Variants in SPPL2B observed in about 807,000 individuals in gnomAD.
SPPL2B encodes the protein signal peptide peptidase like 2B.
In SPPL2B, 39 loss-of-function variants were observed where a neutral mutation model predicts 59.7. The ratio of observed to expected loss-of-function variants is 0.65; its 90% confidence interval spans 0.51 to 0.85. The LOEUF is 0.85. SPPL2B is among the 40% of genes least tolerant of loss of function. The pLI, the probability that SPPL2B is intolerant of heterozygous loss-of-function variation, is 0.00. For synonymous variants in SPPL2B, 419 were observed against 370.8 expected (o/e 1.13, Z -1.49); for missense variants, 865 against 849.0 (o/e 1.02, Z -0.23).
intron 3 of SPPL2B, chr19:2,338,403 G>C: frequency 5.4e-6 from 1 of 184,010 alleles, no homozygotes; most frequent in South Asian, 1.5e-4. Context: ...GGCCCTCAGT[G>C]GGTGCGGGGC....
At chr19:2,347,266 A>C (rs1969449183) in intron 13 of SPPL2B, among the ~76,000 whole-genome samples, 2 of 108,968 alleles carry the variant, frequency 1.8e-5, no homozygotes, top group African/African-American at 3.9e-5. Flanking sequence ...CTCTCCACAC[A>C]CACTCACGCA....
intron 2 of SPPL2B, 34 bp from the exon 3 acceptor site, chr19:2,337,409 C>T (rs55710409): frequency 0.12 from 185,829 of 1,543,248 alleles, 12,387 homozygotes; most frequent in African/African-American, 0.18. Flanking sequence ...TGACTCACAT[C>T]ACGTGAGACA....
In SPPL2B at chr19:2,340,903, C is replaced by T; in HGVS notation, c.845C>T (p.Pro282Leu). 1 of 1,589,690 alleles carries T rather than the reference C, an allele frequency of 6.3e-7. No individual in the cohort carries two copies. Among genetic ancestry groups the T allele is most frequent in the Non-Finnish European group, 8.5e-7 (1 of 1,173,074 alleles). ...RRLPFGKCRI[P>L]NNSLPYFHKR... ...GACTGCCCCGTGCCCCCCAGGATCC[C>T]CAACAACAGCCTGCCCTACTTCCAC... Residue 282 changes from proline to leucine, a missense_variant, in exon 8 of 15, where the codon CCC (proline) becomes CTC (leucine). By Grantham distance (98) the Pro-to-Leu change is moderately conservative (BLOSUM62 -3). Transcript: ENST00000613503.
chr19:2,329,090 G>T (rs552342899), intron 1 of SPPL2B, among the ~76,000 whole-genome samples: 2 of 152,342 alleles, frequency 1.3e-5, no homozygotes, highest in African/African-American at 4.8e-5. Flanking sequence ...AGTTGCCGCC[G>T]GGGACGCCTC....
At chr19:2,331,306 A>G (rs781527881) in intron 1 of SPPL2B, among the ~76,000 whole-genome samples, 1 of 152,220 alleles carries the variant, frequency 6.6e-6, no homozygotes, top group East Asian at 1.9e-4. Flanking sequence ...TTCTAAGCCT[A>G]GTAGTTTCTG....
chr19:2,340,843 G>A, intron 7 of SPPL2B, 55 bp from the exon 8 acceptor site: 1 of 1,142,790 alleles, frequency 8.8e-7, no homozygotes, highest in South Asian at 1.4e-5. Context: ...GTGGTGGGCA[G>A]TGGGATGAGG....
chr19:2,345,989 C>A (rs779977684), intron 13 of SPPL2B, among the ~76,000 whole-genome samples: 1 of 152,186 alleles, frequency 6.6e-6, no homozygotes, highest in African/African-American at 2.4e-5. Context: ...TTGTTCTGTT[C>A]TTTTCTTTTC....
chr19:2,335,442 G>C (rs1295522753), intron 2 of SPPL2B, among the ~76,000 whole-genome samples: 736 of 41,152 alleles, frequency 0.018, no homozygotes, highest in Middle Eastern at 0.058. Flanking sequence ...CCCACTGCAT[G>C]CTTCAGGCCC....
At chr19:2,346,670 A>G (rs1969387706) in intron 13 of SPPL2B, among the ~76,000 whole-genome samples, 1 of 152,242 alleles carries the variant, frequency 6.6e-6, no homozygotes, top group African/African-American at 2.4e-5. Flanking sequence ...CTGTCTCGAA[A>G]AAATAATAAT....
At chr19:2,338,935 G>C in intron 4 of SPPL2B, 94 bp downstream of exon 4, 1 of 1,505,208 alleles carries the variant, frequency 6.6e-7, no homozygotes, top group Non-Finnish European at 9.0e-7. Context: ...CAGTTGGTGG[G>C]ATCAGGGTGG....
At chr19:2,349,187 G>C (rs28637173) in intron 13 of SPPL2B, among the ~76,000 whole-genome samples, 67 of 1,666 alleles carry the variant, frequency 0.04, no homozygotes, top group Admixed American at 0.092. Context: ...CTCACGCGCT[G>C]TCATTCGCTT....
chr19:2,352,920 T>G, intron 14 of SPPL2B, 26 bp from the exon 15 acceptor site: 5 of 1,611,268 alleles, frequency 3.1e-6, no homozygotes, highest in Non-Finnish European at 3.4e-6. Flanking sequence ...TGTCTCCGCC[T>G]CACCTCTGCC....
At chr19:2,350,563 A>G (rs954996639) in intron 13 of SPPL2B, among the ~76,000 whole-genome samples, 2 of 152,180 alleles carry the variant, frequency 1.3e-5, no homozygotes, top group Non-Finnish European at 2.9e-5. Context: ...CTCACTAGCC[A>G]TGGGTTCCTG....
In SPPL2B at chr19:2,345,334, A is replaced by G; in HGVS notation, c.1354+4A>G. ...TACTTCGTGGCCTGCACCATCGGTA[A>G]GTGCCTCGGTTGGGCCCGTGCTGGC... On this transcript the variant is annotated splice_donor_region_variant and intron_variant, in intron 13 of 14. Transcript: ENST00000613503. 2 of 1,612,770 alleles carry G rather than the reference A, an allele frequency of 1.2e-6. No homozygotes were observed. The highest frequency in any genetic ancestry group is 1.3e-5 in the African/African-American group (1 of 74,982).
chr19:2,338,070 C>T (rs552100374), intron 3 of SPPL2B: 1 of 161,652 alleles, frequency 6.2e-6, no homozygotes, highest in Admixed American at 6.2e-5. Context: ...AGCCTGGCCC[C>T]TTTTCCATCT....
At chr19:2,335,423 G>A (rs1481923052) in intron 2 of SPPL2B, among the ~76,000 whole-genome samples, 3 of 133,558 alleles carry the variant, frequency 2.2e-5, no homozygotes, top group Middle Eastern at 5.4e-3. Context: ...TTCAGGCCCC[G>A]CCTCCTTTCC....
intron 1 of SPPL2B, 50 bp from the exon 2 acceptor site, chr19:2,334,552 A>G: frequency 6.4e-7 from 1 of 1,570,456 alleles, no homozygotes; most frequent in Non-Finnish European, 8.6e-7. Flanking sequence ...GGGGCGGTGC[A>G]GCCCCGCACG....
intron 2 of SPPL2B, 110 bp downstream of exon 2, chr19:2,334,831 C>A: frequency 7.3e-7 from 1 of 1,367,386 alleles, no homozygotes; most frequent in Non-Finnish European, 9.7e-7. Context: ...GAGAGGCAGG[C>A]CCTGACCAGG....
intron 9 of SPPL2B, 145 bp from the exon 10 acceptor site, chr19:2,343,820 T>C (rs1331388604): frequency 4.8e-6 from 3 of 631,264 alleles, no homozygotes; most frequent in African/African-American, 3.6e-5. Flanking sequence ...AAGCTCCTCC[T>C]GCGTGGTGCG....
Sources: gnomAD v4.1 joint callset for allele counts (sites outside exome capture counted in the v4.1 genomes callset) on GRCh38, gnomAD v4.1.1 for gene constraint, MANE v1.5 for transcripts, NCBI Gene and HGNC (gene_info 2026-07-23, HGNC 2026-07-21) for gene names.